Variants in MYBPC1 observed in about 807,000 individuals in gnomAD.
MYBPC1 encodes the protein myosin-binding protein C, slow-type.
In MYBPC1, 52 loss-of-function variants were observed where a neutral mutation model predicts 147.1. That is an observed-to-expected ratio of 0.35 (90% confidence interval 0.28 to 0.45). The LOEUF (loss-of-function observed/expected upper bound fraction) is 0.45, where lower values mean the gene tolerates loss of function less well. MYBPC1 is among the 20% of genes least tolerant of loss of function. MYBPC1 has a pLI of 1.00. For synonymous variants in MYBPC1, 477 were observed against 475.9 expected, an observed-to-expected ratio of 1.00 and a Z score of -0.03; for missense variants, 1,228 against 1,440.3, an observed-to-expected ratio of 0.85 and a Z score of 2.39.
chr12:101,678,221 G>A lies in MYBPC1; in HGVS notation c.3229G>A (p.Val1077Met). ...TTACAATGCCACCCTAAACTGCAGTGTGAGAGGAAATCCTAAGGTACCATG... is the reference window on the plus strand; with the variant it reads ...TTACAATGCCACCCTAAACTGCAGTATGAGAGGAAATCCTAAGGTACCATG... ...AGYNATLNCS[V>M]RGNPKPKITW... The change falls in exon 28 of 32, where the codon GTG (valine) becomes ATG (methionine). Residue 1077 changes from valine (V) to methionine (M), a missense_variant. By Grantham distance (21) the Val-to-Met change is conservative. Transcript: ENST00000361466. The A allele has an allele frequency of 6.2e-7, 1 of 1,614,158 alleles. No individual in the cohort carries two copies. The highest frequency in any genetic ancestry group is 8.5e-7 in the Non-Finnish European group (1 of 1,179,992).
At chr12:101,683,985 C>A (rs1242809407) in intron 30 of MYBPC1, among the ~76,000 whole-genome samples, 1 of 152,036 alleles carries the variant, frequency 6.6e-6, no homozygotes, top group Non-Finnish European at 1.5e-5. Context: ...TGTACACTAA[C>A]ACTTTGTCTA....
At position 101,646,647 on chromosome 12, in the gene MYBPC1, A is replaced by C. The variant is rs527281986; in HGVS notation, c.966-116A>C. 34 of 1,249,812 alleles carry C rather than the reference A, an allele frequency of 2.7e-5. 1 individual carries two copies. Among genetic ancestry groups the C allele is most frequent in the African/African-American group, 1.3e-4 (9 of 67,098 alleles). 77.4% of individuals were successfully genotyped at this position (1,249,812 alleles called of 1,614,324 possible). ...GAGCAAGACCCTGTCTCAAAAAAAA[A>C]CAACAGATCCTTGACTTTCAAACAC... On this transcript the variant is annotated intron_variant, in intron 12 of 31. Transcript: ENST00000361466.
chr12:101,608,874 T>C (rs1883249235), intron 1 of MYBPC1, among the ~76,000 whole-genome samples: 1 of 152,124 alleles, frequency 6.6e-6, no homozygotes, highest in African/African-American at 2.4e-5. Flanking sequence ...CCTGGAGCCT[T>C]GGCCAGCGGG....
At chr12:101,690,064 A>G (rs915840560), downstream of MYBPC1, among the ~76,000 whole-genome samples, 3 of 152,032 alleles carry the variant, frequency 2.0e-5, no homozygotes, top group Non-Finnish European at 2.9e-5. Context: ...AATCCCAGCT[A>G]CTCGGGAGGC....
At chr12:101,638,977 GTTACCATT>G (rs76975595) in intron 10 of MYBPC1, among the ~76,000 whole-genome samples, 38,024 of 151,702 alleles carry the variant, frequency 0.25, 5,016 homozygotes, top group Middle Eastern at 0.33. Context: ...ATGACATATG[GTTACCATT>G]TCTACTCCTC....
Position 101,684,396 on chromosome 12 carries a change from G to C in MYBPC1, c.3507G>C (p.Lys1169Asn), listed in dbSNP as rs765992285. The C allele has an allele frequency of 6.3e-7, 1 of 1,588,416 alleles. No individual in the cohort carries two copies. The highest frequency in any genetic ancestry group is 8.6e-7 in the Non-Finnish European group (1 of 1,164,812). ...LEGQQQSLHNKDF is the reference protein window; with the variant it reads ...LEGQQQSLHNNDF ...CTTTTCCTTAGTCATTGCACAATAA[G>C]GATTTTTGAATGTATAATATCATCT... Residue 1169 changes from lysine (K) to asparagine (N), a missense_variant, in exon 31 of 32, where the codon AAG (lysine) becomes AAC (asparagine). Physicochemically the swap from Lys to Asn is moderately conservative, Grantham distance 94 (BLOSUM62 0). Transcript: ENST00000361466.
chr12:101,649,500 G>C lies in MYBPC1; in HGVS notation c.1363+74G>C. 2.0e-6 allele frequency: 3 copies of C among 1,532,080 alleles called. No individual in the cohort carries two copies. In the East Asian group the frequency reaches 6.8e-5, roughly 35 times the overall value. The allele number at this position is 1,532,080 out of a possible 1,614,324, so 94.9% of individuals were successfully genotyped here. ...GTTGTGTTAATTCGGTTTCAGAAAA[G>C]TTTCTATTTGATTTCTATTTGCGAT... is the stretch of plus-strand genomic sequence containing the variant. On this transcript the variant is annotated intron_variant, in intron 15 of 31. Coordinates refer to ENST00000361466, the MANE Select transcript of MYBPC1 (RefSeq NM_002465.4).
At chr12:101,666,871 A>C in intron 22 of MYBPC1, 1 of 1,182,978 alleles carries the variant, frequency 8.5e-7, no homozygotes. Flanking sequence ...ATGACCAAGC[A>C]TGAAGAATAC....
intron 10 of MYBPC1, 132 bp from the exon 11 acceptor site, chr12:101,642,287 T>C: frequency 1.1e-6 from 1 of 921,342 alleles, no homozygotes; most frequent in African/African-American, 1.6e-5. Context: ...ACTTGACTTC[T>C]GGGCTTCAAG....
At chr12:101,601,944 A>T (rs1342616888) in intron 1 of MYBPC1, among the ~76,000 whole-genome samples, 2 of 152,170 alleles carry the variant, frequency 1.3e-5, no homozygotes, top group Non-Finnish European at 2.9e-5. Flanking sequence ...TTAGAGTTAG[A>T]TGTCTTTAGG....
intron 12 of MYBPC1, among the ~76,000 whole-genome samples, chr12:101,646,389 G>C (rs949877738): frequency 4.6e-5 from 7 of 152,096 alleles, no homozygotes; most frequent in African/African-American, 1.7e-4. Context: ...GCTCACGCCT[G>C]TAATCCCAAC....
downstream of MYBPC1, among the ~76,000 whole-genome samples, chr12:101,687,198 T>G (rs2005918): frequency 0.52 from 78,236 of 151,600 alleles, 20,901 homozygotes; most frequent in Admixed American, 0.6. Flanking sequence ...ACATTAGGTA[T>G]ATCGCCTAAT....
intron 22 of MYBPC1, among the ~76,000 whole-genome samples, chr12:101,667,476 T>C (rs1242438708): frequency 3.9e-5 from 6 of 152,248 alleles, no homozygotes; most frequent in Non-Finnish European, 7.3e-5. Flanking sequence ...TCATGCTGAA[T>C]AAAGATTTTT....
In MYBPC1 at chr12:101,680,332, T is replaced by C. The variant is rs1425725231; in HGVS notation, c.3247-11T>C. 6.2e-7 allele frequency: 1 copy of C among 1,613,198 alleles called. No individual in the cohort carries two copies. Among genetic ancestry groups the C allele is most frequent in the Admixed American group, 1.7e-5 (1 of 59,928 alleles). On this transcript the variant is annotated splice_polypyrimidine_tract_variant and intron_variant, in intron 28 of 31. Transcript: ENST00000361466. ...ATGTTTTGACCTAAGTTTCTTCAAT[T>C]TGAACTTCAGCCTAAAATAACCTGG...
At chr12:101,616,296 C>T (rs1288936784) in intron 2 of MYBPC1, among the ~76,000 whole-genome samples, 1 of 152,122 alleles carries the variant, frequency 6.6e-6, no homozygotes, top group Non-Finnish European at 1.5e-5. Flanking sequence ...TGTACTTTGA[C>T]CAACATTGAG....
intron 6 of MYBPC1, among the ~76,000 whole-genome samples, chr12:101,630,683 G>T (rs920647971): frequency 1.3e-5 from 2 of 152,092 alleles, no homozygotes; most frequent in Non-Finnish European, 2.9e-5. Flanking sequence ...CCTGTTTTAG[G>T]CACTGAGTAT....
chr12:101,685,565 C>T lies in MYBPC1; in HGVS notation c.*20-17C>T. 2.0e-6 allele frequency: 3 copies of T among 1,486,368 alleles called. No homozygotes were observed. The highest frequency in any genetic ancestry group is 2.7e-6 in the Non-Finnish European group (3 of 1,102,368). The allele number at this position is 1,486,368 out of a possible 1,614,324, so 92.1% of individuals were successfully genotyped here. A position where few individuals can be genotyped will look rare whatever the true frequency, so the allele number is the denominator to read the frequency against. ...AGATGGTTTTGATTTGTCTGTTTTC[C>T]TTTTGGTCCTCTCTAGGTGGGCTCT... On this transcript the variant is annotated splice_polypyrimidine_tract_variant and intron_variant, in intron 31 of 31. Transcript: ENST00000361466.
At position 101,662,353 on chromosome 12, in the gene MYBPC1, T is replaced by C. The variant is rs760530257; in HGVS notation, c.2033-5T>C. 1.2e-6 allele frequency: 2 copies of C among 1,613,988 alleles called. No homozygotes were observed. Among genetic ancestry groups the C allele is most frequent in the South Asian group, 2.2e-5 (2 of 91,084 alleles). ...AACCTTAGTTTTCATTTTGCATACC[T>C]GCAGGATATTTTATTGAGAGGAAGA... On this transcript the variant is annotated splice_region_variant and splice_polypyrimidine_tract_variant and intron_variant, in intron 20 of 31. Coordinates refer to ENST00000361466, the MANE Select transcript of MYBPC1 (RefSeq NM_002465.4).
intron 28 of MYBPC1, among the ~76,000 whole-genome samples, chr12:101,679,148 C>CA (rs61500343): frequency 0.027 from 2,835 of 105,858 alleles, 90 homozygotes; most frequent in African/African-American, 0.083. Flanking sequence ...GACTCCGTCT[C>CA]AAAAAAAAAA....
Sources: allele counts gnomAD v4.1 joint callset (sites outside exome capture counted in the v4.1 genomes callset), GRCh38; gene constraint gnomAD v4.1.1; transcripts MANE v1.5; gene names NCBI Gene and HGNC (gene_info 2026-07-23, HGNC 2026-07-21).